The following FCHSD1 variants were observed in gnomAD, a reference collection of about 807,000 sequenced individuals.
FCHSD1 encodes the protein FCH and double SH3 domains 1.
A neutral mutation model predicts 101.3 loss-of-function variants in FCHSD1; 109 were observed. The ratio of observed to expected loss-of-function variants is 1.08; its 90% confidence interval spans 0.92 to 1.26. The LOEUF (loss-of-function observed/expected upper bound fraction) is 1.26, where lower values mean the gene tolerates loss of function less well. Among genes scored for constraint, FCHSD1 ranks in the 50% most tolerant of loss-of-function variants. The pLI is 0.00. For synonymous variants in FCHSD1, 291 were observed against 356.8 expected (o/e 0.82, Z 2.08); for missense variants, 820 against 895.8 (o/e 0.92, Z 1.08).
chr5:141,644,938 C>T lies in FCHSD1; in HGVS notation c.1445G>A (p.Gly482Glu). 1 of 1,613,970 alleles carries T rather than the reference C, an allele frequency of 6.2e-7. No individual in the cohort carries two copies. Among genetic ancestry groups the T allele is most frequent in the Non-Finnish European group, 8.5e-7 (1 of 1,179,862 alleles). The change falls in exon 15 of 20, where the codon GGG becomes GAG. Residue 482 changes from glycine (G) to glutamate (E), a missense_variant. Transcript: ENST00000435817. Reference sequence around the variant, plus strand: ...CGTGATTGTCAGCTCATCCTCACGCCCTGCCTGGGCCACACACGAAGGATT... The same window carrying T: ...CGTGATTGTCAGCTCATCCTCACGCTCTGCCTGGGCCACACACGAAGGATT... ...PAHVVFRYQA[G>E]REDELTITEG...
At chr5:141,645,492 C>T (rs1240557187) in intron 13 of FCHSD1, among the ~76,000 whole-genome samples, 1 of 152,158 alleles carries the variant, frequency 6.6e-6, no homozygotes, top group Non-Finnish European at 1.5e-5. Flanking sequence ...AGTCACTTTT[C>T]GAGATTGCAC....
rs768802618 is a variant in FCHSD1 at position 141,640,399 on chromosome 5, C to G, written c.*1099G>C. The G allele has an allele frequency of 1.9e-6, 3 of 1,614,188 alleles. No homozygotes were observed. The South Asian group carries it at 3.3e-5, about 18-fold the overall frequency. On this transcript the variant is annotated 3_prime_UTR_variant, in exon 20 of 20. Transcript: ENST00000435817. ...CCTGGTCTCTCATTGTTGACCCCTCCCCTTTCTCTCAGGTGTCTCTACCAC... is the reference window on the plus strand; with the variant it reads ...CCTGGTCTCTCATTGTTGACCCCTCGCCTTTCTCTCAGGTGTCTCTACCAC...
chr5:141,644,079 T>C (rs1010319559), intron 17 of FCHSD1, 139 bp downstream of exon 17: 15 of 800,532 alleles, frequency 1.9e-5, no homozygotes, highest in Non-Finnish European at 2.0e-5. Flanking sequence ...TGCCCCCCCA[T>C]AGGAGATGGG....
At chr5:141,650,224 A>C in intron 3 of FCHSD1, 135 bp downstream of exon 3, 1 of 1,182,314 alleles carries the variant, frequency 8.5e-7, no homozygotes, top group Non-Finnish European at 1.3e-6. Flanking sequence ...ATAATTACAC[A>C]GCAGGGATCT....
rs370735476 is a variant in FCHSD1 at position 141,644,596 on chromosome 5, T to C, written c.1619A>G (p.Asn540Ser). The C allele has an allele frequency of 2.0e-5, 32 of 1,613,960 alleles. No individual in the cohort carries two copies. The highest frequency in any genetic ancestry group is 1.7e-4 in the Admixed American group (10 of 60,020). Residue 540 changes from asparagine to serine, a missense_variant, in exon 16 of 20, where the codon AAT (asparagine) becomes AGT (serine). Asn to Ser is a conservative substitution (Grantham distance 46, BLOSUM62 1). Coordinates refer to ENST00000435817, the MANE Select transcript of FCHSD1 (RefSeq NM_033449.3). ...SLPESSQDSD[N>S]PCGAEPTAFL... ...ACCTGTGGGCTCTGCCCCGCAGGGATTGTCACTGTCTTGGCTGCTCTCTGG... is the reference window on the plus strand; with the variant it reads ...ACCTGTGGGCTCTGCCCCGCAGGGACTGTCACTGTCTTGGCTGCTCTCTGG...
chr5:141,644,246 C>T lies in FCHSD1; in HGVS notation c.1835G>A (p.Gly612Glu), dbSNP rs1231902903. 1.2e-6 allele frequency: 2 copies of T among 1,612,814 alleles called. No individual in the cohort carries two copies. Among genetic ancestry groups the T allele is most frequent in the Non-Finnish European group, 1.7e-6 (2 of 1,179,370 alleles). Residue 612 changes from glycine to glutamate, a missense_variant, in exon 17 of 20, where the codon GGG becomes GAG. Transcript: ENST00000435817. ...LLVEELLGPP[G>E]PPELSDPEQM... Reference sequence around the variant, plus strand: ...TTCAGGGTCAGAGAGTTCAGGTGGCCCTGGGGGGCCAAGCAGCTCTTCCAC... The same window carrying T: ...TTCAGGGTCAGAGAGTTCAGGTGGCTCTGGGGGGCCAAGCAGCTCTTCCAC...
At chr5:141,645,746 G>T (rs760634197) in intron 13 of FCHSD1, 25 bp downstream of exon 13, 2 of 1,599,944 alleles carry the variant, frequency 1.3e-6, no homozygotes, top group Non-Finnish European at 1.7e-6. Context: ...AAGTAAGGAT[G>T]GGTAGTGTTG....
Position 141,650,039 on chromosome 5 carries a change from C to A in FCHSD1, c.166-85G>T, listed in dbSNP as rs377124228. 5.5e-5 allele frequency: 75 copies of A among 1,372,212 alleles called. 2 individuals carry two copies. The highest frequency in any genetic ancestry group is 4.0e-4 in the East Asian group (16 of 39,782). 85.0% of individuals were successfully genotyped at this position (1,372,212 alleles called of 1,614,324 possible). The stretch of plus-strand genomic sequence containing the variant: ...AATATGACATCAGAGTATAATCATA[C>A]CATTCTTTGGGTACATTATGTGCCA... On this transcript the variant is annotated intron_variant, in intron 3 of 19. Transcript: ENST00000435817.
intron 18 of FCHSD1, chr5:141,642,442 GC>G (rs1418375100): frequency 2.9e-6 from 2 of 688,102 alleles, no homozygotes; most frequent in Non-Finnish European, 5.2e-6. Flanking sequence ...TACACTAGAA[GC>G]CCAATCTCCA....
In FCHSD1 at chr5:141,649,443, G is replaced by C. The variant is rs756649281; in HGVS notation, c.327C>G (p.Asp109Glu). Residue 109 changes from aspartate to glutamate, a missense_variant, in exon 5 of 20, where the codon GAC (aspartate) becomes GAG (glutamate). Asp to Glu is a conservative substitution (Grantham distance 45, BLOSUM62 2). Coordinates refer to ENST00000435817, the MANE Select transcript of FCHSD1 (RefSeq NM_033449.3). The surrounding 1 kb of genome is among the most constrained non-coding windows in gnomAD (Gnocchi z 4.1). ...TRLQASDRYR[D>E]LAGGTGRSAK... ...CGCTCCGCCCTGTACCCCCTGCTAG[G>C]TCACGGTATCGGTCAGACGCCTGGA... The C allele has an allele frequency of 6.2e-7, 1 of 1,613,982 alleles. No individual in the cohort carries two copies. Among genetic ancestry groups the C allele is most frequent in the Non-Finnish European group, 8.5e-7 (1 of 1,179,890 alleles).
chr5:141,645,258 T>A, intron 13 of FCHSD1, 110 bp from the exon 14 acceptor site: 1 of 1,452,164 alleles, frequency 6.9e-7, no homozygotes, highest in Non-Finnish European at 9.2e-7. Context: ...CCAAGGCAGG[T>A]GCACCCATCC....
At position 141,639,654 on chromosome 5, in the gene FCHSD1, G is replaced by T; in HGVS notation, c.*1844C>A. The T allele has an allele frequency of 6.3e-7, 1 of 1,593,940 alleles. No individual in the cohort carries two copies. The highest frequency in any genetic ancestry group is 8.5e-7 in the Non-Finnish European group (1 of 1,170,020). On this transcript the variant is annotated 3_prime_UTR_variant, in exon 20 of 20. Coordinates refer to ENST00000435817, the MANE Select transcript of FCHSD1 (RefSeq NM_033449.3). This position sits in a 1 kb window ranked among gnomAD's most constrained non-coding sequence, Gnocchi z 4.4. ...CACTGTGTTCTCTGTGGGCAGGTGG[G>T]GCAGGTGCTCCAGGGAAAGGGGGGC...
At chr5:141,645,329 T>C (rs2099907516) in intron 13 of FCHSD1, among the ~76,000 whole-genome samples, 181 bp from the exon 14 acceptor site, 1 of 149,454 alleles carries the variant, frequency 6.7e-6, no homozygotes, top group Non-Finnish European at 1.5e-5. Context: ...GTAATAGAGT[T>C]ACAGTAATTG....
chr5:141,648,582 T>C (rs12659397), intron 7 of FCHSD1, among the ~76,000 whole-genome samples: 38,907 of 152,096 alleles, frequency 0.26, 5,163 homozygotes, highest in Admixed American at 0.33. Flanking sequence ...TGTTATTCTT[T>C]ATCATAGTAC....
rs1353327834 is a variant in FCHSD1, at chr5:141,639,834, C to CA, written c.*1663dup. ...CCTTAGGCCAGAGGGAAGTAGCCAC[C>CA]AAACTCAGGATGTCCCTGGTCAGAG... On this transcript the variant is annotated 3_prime_UTR_variant, in exon 20 of 20. Transcript: ENST00000435817. The surrounding 1 kb of genome is among the most constrained non-coding windows in gnomAD (Gnocchi z 4.4). 6.8e-7 allele frequency: 1 copy of CA among 1,471,526 alleles called. No homozygotes were observed. The highest frequency in any genetic ancestry group is 1.4e-5 in the African/African-American group (1 of 71,928). 91.2% of individuals were successfully genotyped at this position (1,471,526 alleles called of 1,614,324 possible).
At chr5:141,642,975 CA>C (rs2099907142) in intron 18 of FCHSD1, 25 bp downstream of exon 18, 1 of 1,549,524 alleles carries the variant, frequency 6.5e-7, no homozygotes. Context: ...GTTAGCCTCC[CA>C]AGGCTCCCAG....
chr5:141,640,955 C>T lies in FCHSD1; in HGVS notation c.*543G>A, dbSNP rs1240722987. On this transcript the variant is annotated 3_prime_UTR_variant, in exon 20 of 20. Coordinates refer to ENST00000435817, the MANE Select transcript of FCHSD1 (RefSeq NM_033449.3). ...AGCAGGCCCCTGCCCGTGGTGGGCCCCTAAAGCAATAGCACCGTAGGCCCC... is the reference window on the plus strand; with the variant it reads ...AGCAGGCCCCTGCCCGTGGTGGGCCTCTAAAGCAATAGCACCGTAGGCCCC... The T allele has an allele frequency of 4.0e-6, 2 of 500,948 alleles. No individual in the cohort carries two copies. The highest frequency in any genetic ancestry group is 3.9e-5 in the African/African-American group (2 of 51,882). The allele number at this position is 500,948 out of a possible 1,614,324, so 31.0% of individuals were successfully genotyped here.
Position 141,640,554 on chromosome 5 carries a change from C to A in FCHSD1, c.*944G>T. 1 of 1,577,092 alleles carries A rather than the reference C, an allele frequency of 6.3e-7. No individual in the cohort carries two copies. Among genetic ancestry groups the A allele is most frequent in the Non-Finnish European group, 8.6e-7 (1 of 1,159,604 alleles). On this transcript the variant is annotated 3_prime_UTR_variant, in exon 20 of 20. Coordinates refer to ENST00000435817, the MANE Select transcript of FCHSD1 (RefSeq NM_033449.3). ...CCCCCGAGTAAACTGCAGGCTTAGCCTTTGCTATAAATCCCTTGGTTTGGT... is the reference window on the plus strand; with the variant it reads ...CCCCCGAGTAAACTGCAGGCTTAGCATTTGCTATAAATCCCTTGGTTTGGT...
chr5:141,639,579 C>A lies in FCHSD1; in HGVS notation c.*1919G>T. The A allele has an allele frequency of 6.2e-7, 1 of 1,614,002 alleles. No homozygotes were observed. The highest frequency in any genetic ancestry group is 1.3e-5 in the African/African-American group (1 of 75,036). ...CCGCAGCAAGAGGCCTCCACTTGTCCGTCAGGGACGCTCCAAGGAAGGAAA... is the reference window on the plus strand; with the variant it reads ...CCGCAGCAAGAGGCCTCCACTTGTCAGTCAGGGACGCTCCAAGGAAGGAAA... On this transcript the variant is annotated 3_prime_UTR_variant, in exon 20 of 20. Transcript: ENST00000435817. This position sits in a 1 kb window ranked among gnomAD's most constrained non-coding sequence, Gnocchi z 4.4.
Sources: allele counts gnomAD v4.1 joint callset (sites outside exome capture counted in the v4.1 genomes callset), GRCh38; gene constraint gnomAD v4.1.1; non-coding constraint Gnocchi (gnomAD v3.1); transcripts MANE v1.5; gene names NCBI Gene and HGNC (gene_info 2026-07-23, HGNC 2026-07-21).